The following PAK5 variants were observed in gnomAD, a reference collection of about 807,000 sequenced individuals.
The protein encoded by PAK5 is serine/threonine-protein kinase PAK 5.
In PAK5, 16 loss-of-function variants were observed where a neutral mutation model predicts 65.9. The ratio of observed to expected loss-of-function variants is 0.24; its 90% confidence interval spans 0.16 to 0.37. The LOEUF (loss-of-function observed/expected upper bound fraction) is 0.37, where lower values mean the gene tolerates loss of function less well. PAK5 is among the 10% of genes least tolerant of loss of function. PAK5 has a pLI of 1.00. For missense variants in PAK5, 785 were observed against 903.9 expected, an observed-to-expected ratio of 0.87 and a Z score of 1.69; for synonymous variants, 371 against 354.9, an observed-to-expected ratio of 1.05 and a Z score of -0.51.
intron 2 of PAK5, among the ~76,000 whole-genome samples, chr20:9,686,133 C>T (rs1355967777): frequency 6.6e-6 from 1 of 152,160 alleles, no homozygotes; most frequent in Non-Finnish European, 1.5e-5. Context: ...ATCTGATGTG[C>T]TCTCAGCAGG....
At chr20:9,793,079 T>TC (rs1479091276) in intron 1 of PAK5, among the ~76,000 whole-genome samples, 1 of 152,124 alleles carries the variant, frequency 6.6e-6, no homozygotes, top group Admixed American at 6.6e-5. Context: ...GCCATTTTTT[T>TC]CCCATGTGGG....
intron 1 of PAK5, among the ~76,000 whole-genome samples, chr20:9,718,688 TA>T (rs2048179182): frequency 6.6e-6 from 1 of 152,192 alleles, no homozygotes; most frequent in Non-Finnish European, 1.5e-5. Flanking sequence ...ACATACAACA[TA>T]TTTTTTAACC....
At chr20:9,641,841 T>A (rs200132067) in intron 3 of PAK5, among the ~76,000 whole-genome samples, 4 of 152,148 alleles carry the variant, frequency 2.6e-5, no homozygotes, top group East Asian at 3.9e-4. Context: ...GGTGCTAAGT[T>A]CCCCATTGCC....
intron 3 of PAK5, among the ~76,000 whole-genome samples, chr20:9,611,381 C>T (rs1250542122): frequency 6.6e-6 from 1 of 152,136 alleles, no homozygotes; most frequent in Non-Finnish European, 1.5e-5. Flanking sequence ...GGATAACGGC[C>T]TTATTATCAG....
At chr20:9,723,105 C>A (rs986289069) in intron 1 of PAK5, among the ~76,000 whole-genome samples, 9 of 152,064 alleles carry the variant, frequency 5.9e-5, no homozygotes, top group Non-Finnish European at 1.2e-4. Flanking sequence ...CGTGGAGCAG[C>A]GGGTGCATGA....
intron 2 of PAK5, among the ~76,000 whole-genome samples, chr20:9,667,534 G>T (rs1008102904): frequency 4.0e-5 from 6 of 151,702 alleles, no homozygotes; most frequent in African/African-American, 1.5e-4. Context: ...TCCCACCAAG[G>T]TCTACATATG....
chr20:9,568,997 T>C (rs1287987227), intron 4 of PAK5, among the ~76,000 whole-genome samples: 1 of 152,220 alleles, frequency 6.6e-6, no homozygotes, highest in Non-Finnish European at 1.5e-5. Flanking sequence ...CAGATGACTG[T>C]GTTCCTGTTT....
chr20:9,592,140 T>C lies in PAK5; in HGVS notation c.205-11210A>G, dbSNP rs374517826. On this transcript the variant is annotated intron_variant, in intron 3 of 9. Transcript: ENST00000353224. ...CTAACCCCATTAAATATTAAGGTCA[T>C]CACGGACATAAAGATGGAGAGAATA... is the stretch of plus-strand genomic sequence containing the variant. 2.6e-5 allele frequency among the ~76,000 whole-genome samples: 4 copies of C among 152,144 alleles called. No homozygotes were observed. The East Asian group carries it at 5.8e-4, about 22-fold the overall frequency.
chr20:9,700,828 A>G (rs1036856860), intron 2 of PAK5, among the ~76,000 whole-genome samples: 13 of 152,184 alleles, frequency 8.5e-5, no homozygotes, highest in African/African-American at 3.1e-4. Context: ...GATTCAGCAC[A>G]TAGGGCGCCC....
chr20:9,712,888 A>C (rs2048094628), intron 1 of PAK5, among the ~76,000 whole-genome samples: 1 of 152,198 alleles, frequency 6.6e-6, no homozygotes, highest in South Asian at 2.1e-4. Flanking sequence ...TAAAGACTTA[A>C]ATGTAAAACC....
At chr20:9,796,462 T>C (rs927816254) in intron 1 of PAK5, among the ~76,000 whole-genome samples, 1 of 152,068 alleles carries the variant, frequency 6.6e-6, no homozygotes, top group Non-Finnish European at 1.5e-5. Flanking sequence ...GACATGGCTA[T>C]TGTATATAGC....
At chr20:9,821,096 T>C (rs2049414958) in intron 1 of PAK5, among the ~76,000 whole-genome samples, 1 of 152,244 alleles carries the variant, frequency 6.6e-6, no homozygotes, top group African/African-American at 2.4e-5. Flanking sequence ...ATACCAATGA[T>C]AATGGCCAGG....
At chr20:9,730,837 C>T (rs979444450) in intron 1 of PAK5, among the ~76,000 whole-genome samples, 1 of 152,212 alleles carries the variant, frequency 6.6e-6, no homozygotes, top group African/African-American at 2.4e-5. Flanking sequence ...TATATAAGGA[C>T]TCAGCCTTAT....
intron 1 of PAK5, among the ~76,000 whole-genome samples, chr20:9,812,167 A>G (rs982403796): frequency 2.0e-5 from 3 of 152,194 alleles, no homozygotes; most frequent in Non-Finnish European, 4.4e-5. Flanking sequence ...CAGCATTAAA[A>G]TAAAAGACTA....
chr20:9,602,213 C>T (rs552209084), intron 3 of PAK5, among the ~76,000 whole-genome samples: 2 of 151,966 alleles, frequency 1.3e-5, no homozygotes, highest in South Asian at 4.2e-4. Context: ...ATCACTTGAA[C>T]CCAGGAGGCG....
intron 3 of PAK5, among the ~76,000 whole-genome samples, chr20:9,583,982 T>A (rs1361229918): frequency 6.6e-6 from 1 of 152,166 alleles, no homozygotes; most frequent in African/African-American, 2.4e-5. Context: ...TTCCATAGTG[T>A]GGAATTCATT....
At chr20:9,805,133 C>T (rs558646948) in intron 1 of PAK5, among the ~76,000 whole-genome samples, 1 of 152,208 alleles carries the variant, frequency 6.6e-6, no homozygotes, top group South Asian at 2.1e-4. Context: ...TGTTTCGCAT[C>T]ATTAGTCATC....
At chr20:9,781,936 G>A (rs931151358) in intron 1 of PAK5, among the ~76,000 whole-genome samples, 4 of 152,210 alleles carry the variant, frequency 2.6e-5, no homozygotes, top group South Asian at 4.1e-4. Context: ...GCAGCAGTCC[G>A]AATAATTTTT....
At chr20:9,567,565 C>A (rs1233724265) in intron 4 of PAK5, among the ~76,000 whole-genome samples, 1 of 152,212 alleles carries the variant, frequency 6.6e-6, no homozygotes, top group Non-Finnish European at 1.5e-5. Flanking sequence ...GCAGAAAGGG[C>A]TATTGGATGG....
Sources: allele counts gnomAD v4.1 joint callset (sites outside exome capture counted in the v4.1 genomes callset), GRCh38; gene constraint gnomAD v4.1.1; transcripts MANE v1.5; gene names NCBI Gene and HGNC (gene_info 2026-07-23, HGNC 2026-07-21).